The following FOXP1 variants were observed in gnomAD, a reference collection of about 807,000 sequenced individuals.
FOXP1 encodes the protein forkhead box protein P1.
A neutral mutation model predicts 98.2 loss-of-function variants in FOXP1; 15 were observed. That is an observed-to-expected ratio of 0.15 (90% CI 0.10 to 0.24). The LOEUF (loss-of-function observed/expected upper bound fraction) is 0.24. FOXP1 is among the 10% of genes least tolerant of loss of function. The pLI, the probability that FOXP1 is intolerant of heterozygous loss-of-function variation, is 1.00. For synonymous variants in FOXP1, 371 were observed against 314.5 expected (o/e 1.18, Z -1.90); for missense variants, 633 against 848.5 (o/e 0.75, Z 3.15).
At chr3:71,014,481 G>C (rs1169085017) in intron 12 of FOXP1, among the ~76,000 whole-genome samples, 1 of 152,160 alleles carries the variant, frequency 6.6e-6, no homozygotes, top group Non-Finnish European at 1.5e-5. Flanking sequence ...TCATTAAAAA[G>C]TCGGGAAACA....
intron 3 of FOXP1, among the ~76,000 whole-genome samples, chr3:71,483,846 T>C (rs2090462874): frequency 6.7e-6 from 1 of 149,962 alleles, no homozygotes; most frequent in Admixed American, 6.7e-5. Context: ...AACACAGTAG[T>C]AAAAAAAAAT....
chr3:71,314,376 A>C (rs981508098), intron 4 of FOXP1, among the ~76,000 whole-genome samples: 1 of 152,006 alleles, frequency 6.6e-6, no homozygotes, highest in African/African-American at 2.4e-5. Flanking sequence ...AAAAGTACAA[A>C]AATTAGCTGG....
intron 2 of FOXP1, among the ~76,000 whole-genome samples, chr3:71,508,468 G>A (rs1023012072): frequency 2.0e-5 from 3 of 152,140 alleles, no homozygotes; most frequent in East Asian, 1.9e-4. Flanking sequence ...GGAGTCAGAC[G>A]GCCTGGGTGC....
intron 3 of FOXP1, among the ~76,000 whole-genome samples, chr3:71,431,132 C>T (rs2084677483): frequency 6.6e-6 from 1 of 152,102 alleles, no homozygotes; most frequent in Non-Finnish European, 1.5e-5. Flanking sequence ...TCTAGGGAGG[C>T]AGGTCGATCT....
intron 3 of FOXP1, among the ~76,000 whole-genome samples, chr3:71,411,133 T>C (rs911288486): frequency 1.3e-5 from 2 of 152,214 alleles, no homozygotes; most frequent in Non-Finnish European, 2.9e-5. Context: ...TATACACGCT[T>C]ATTACCCTTT....
intron 3 of FOXP1, among the ~76,000 whole-genome samples, chr3:71,379,901 C>T (rs1285194734): frequency 6.6e-6 from 1 of 152,204 alleles, no homozygotes; most frequent in Non-Finnish European, 1.5e-5. Flanking sequence ...AATCATCTAG[C>T]TGTGGCAACT....
In FOXP1 at chr3:71,197,881, A is replaced by G. The variant is rs373843012; in HGVS notation, c.180+321T>C. The stretch of plus-strand genomic sequence containing the variant: ...TTTTTGCATGAAAGCAGTGGGAACC[A>G]TTTCTCCAAAGAATAATTTTATTCA... On this transcript the variant is annotated intron_variant, in intron 6 of 20. Coordinates refer to ENST00000649528, the MANE Select transcript of FOXP1 (RefSeq NM_001349338.3). 1,092 of 1,614,066 alleles carry G rather than the reference A, an allele frequency of 6.8e-4. 3 individuals are homozygous for G. Among genetic ancestry groups the G allele is most frequent in the Non-Finnish European group, 8.5e-4 (1,005 of 1,179,954 alleles).
At chr3:71,167,321 C>T (rs1283801146) in intron 6 of FOXP1, among the ~76,000 whole-genome samples, 1 of 152,180 alleles carries the variant, frequency 6.6e-6, no homozygotes, top group African/African-American at 2.4e-5. Context: ...AGGTGACCCC[C>T]AACCATTGCG....
At chr3:71,118,103 T>C (rs1367720100) in intron 6 of FOXP1, among the ~76,000 whole-genome samples, 1 of 152,164 alleles carries the variant, frequency 6.6e-6, no homozygotes, top group Non-Finnish European at 1.5e-5. Flanking sequence ...ATGGCTGGCA[T>C]GTCATGGTCC....
intron 6 of FOXP1, among the ~76,000 whole-genome samples, chr3:71,154,631 C>T (rs971914546): frequency 7.9e-5 from 12 of 152,320 alleles, no homozygotes; most frequent in Admixed American, 7.8e-4. Context: ...AGCTGGACTG[C>T]CCGGGCTCAA....
At chr3:71,340,243 C>A (rs2076933529) in intron 4 of FOXP1, among the ~76,000 whole-genome samples, 1 of 152,154 alleles carries the variant, frequency 6.6e-6, no homozygotes, top group Non-Finnish European at 1.5e-5. Context: ...AATAATCAAT[C>A]AGTAGCATCA....
At chr3:71,504,081 T>C (rs2041624220) in intron 2 of FOXP1, among the ~76,000 whole-genome samples, 1 of 152,200 alleles carries the variant, frequency 6.6e-6, no homozygotes, top group African/African-American at 2.4e-5. Context: ...CGCAAGTCAG[T>C]GAGCTTCTCG....
intron 11 of FOXP1, among the ~76,000 whole-genome samples, chr3:71,034,524 A>G (rs1250898658): frequency 6.6e-6 from 1 of 152,192 alleles, no homozygotes; most frequent in Admixed American, 6.5e-5. Flanking sequence ...TGAGGATTAA[A>G]TAGGAAAATC....
At chr3:71,311,068 CT>C (rs1392994990) in intron 4 of FOXP1, among the ~76,000 whole-genome samples, 1 of 151,982 alleles carries the variant, frequency 6.6e-6, no homozygotes, top group Non-Finnish European at 1.5e-5. Context: ...CCCCCTCCCA[CT>C]TTTTTTTGTT....
intron 2 of FOXP1, among the ~76,000 whole-genome samples, chr3:71,532,997 T>G (rs934594391): frequency 6.6e-6 from 1 of 152,220 alleles, no homozygotes; most frequent in African/African-American, 2.4e-5. Context: ...TTGATACATC[T>G]TGCTCCTGCA....
intron 5 of FOXP1, among the ~76,000 whole-genome samples, chr3:71,262,264 CAAAAAAAAAAAAAAAAAAAAAAAAA>C (rs71104433): frequency 5.1e-4 from 13 of 25,700 alleles, no homozygotes; most frequent in Admixed American, 3.0e-3. Context: ...GACTCTGTCA[CAAAAAAAAAAAAAAAAAAAAAAAAA>C]AAAAAAAAAA....
At chr3:71,092,501 C>G (rs147073429) in intron 7 of FOXP1, among the ~76,000 whole-genome samples, 2,496 of 152,244 alleles carry the variant, frequency 0.016, 28 homozygotes, top group Non-Finnish European at 0.025. Context: ...GTTCCTCCCC[C>G]TCAGATTGAG....
chr3:71,115,525 C>T (rs831448), intron 6 of FOXP1, among the ~76,000 whole-genome samples: 41,584 of 150,636 alleles, frequency 0.28, 6,247 homozygotes, highest in East Asian at 0.6. Context: ...TTAGTAGAGA[C>T]GGGGTTTCAC....
chr3:71,568,611 C>T (rs954466390), intron 2 of FOXP1, among the ~76,000 whole-genome samples: 3 of 151,986 alleles, frequency 2.0e-5, no homozygotes, highest in African/African-American at 7.3e-5. Context: ...GCAGATTATA[C>T]AGCTGGTCTT....
Sources: allele counts gnomAD v4.1 joint callset (sites outside exome capture counted in the v4.1 genomes callset), GRCh38; gene constraint gnomAD v4.1.1; transcripts MANE v1.5; gene names NCBI Gene and HGNC (gene_info 2026-07-23, HGNC 2026-07-21).